The following ADGRE3 variants were observed in gnomAD, a reference collection of about 807,000 sequenced individuals.
ADGRE3 encodes adhesion G protein-coupled receptor E3, also known as EGF-like module receptor 3.
In ADGRE3, 88 loss-of-function variants were observed where a neutral mutation model predicts 80.1. The ratio of observed to expected loss-of-function variants is 1.10; its 90% CI spans 0.93 to 1.31. ADGRE3 has a LOEUF of 1.31. Among genes scored for constraint, ADGRE3 ranks in the 40% most tolerant of loss-of-function variants. The pLI is 0.00. For synonymous variants in ADGRE3, 281 were observed against 294.8 expected, an observed-to-expected ratio of 0.95 and a Z score of 0.48; for missense variants, 715 against 776.5, an observed-to-expected ratio of 0.92 and a Z score of 0.94.
chr19:14,620,548 T>TATATATATAATATATA lies in ADGRE3; in HGVS notation c.1921-1078_1921-1077insTATATATTATATATAT. 1.2e-4 allele frequency among the ~76,000 whole-genome samples: 3 copies of TATATATATAATATATA among 24,976 alleles called. 1 individual carries two copies. The South Asian group carries it at 5.0e-3, about 41-fold the overall frequency. The allele number at this position is 24,976 out of a possible 152,430, so 16.4% of individuals were successfully genotyped here. On this transcript the variant is annotated intron_variant, in intron 15 of 15. Transcript: ENST00000253673. ...TGAATATATATATTTTATATATATA[T>TATATATATAATATATA]TATATATATATATATATATATTTTT...
At chr19:14,611,371 CTTTTTT>C in the ADGRE3 span, among the ~76,000 whole-genome samples, 3 of 75,972 alleles carry the variant, frequency 3.9e-5, no homozygotes, top group African/African-American at 4.9e-5. Context: ...AACTTCTATC[CTTTTTT>C]TTTTTTTTTT....
At chr19:14,657,584 A>G (rs1037552021) in intron 5 of ADGRE3, among the ~76,000 whole-genome samples, 2 of 151,998 alleles carry the variant, frequency 1.3e-5, no homozygotes, top group African/African-American at 2.4e-5. Context: ...ATACAGATAC[A>G]GAGCCCTCTT....
At chr19:14,668,181 G>A (rs977601694) in intron 2 of ADGRE3, among the ~76,000 whole-genome samples, 1 of 152,068 alleles carries the variant, frequency 6.6e-6, no homozygotes, top group African/African-American at 2.4e-5. Context: ...AACCCAGGAC[G>A]TGGAGGTTGC....
chr19:14,629,375 C>G (rs149649780), intron 14 of ADGRE3, among the ~76,000 whole-genome samples: 1 of 151,830 alleles, frequency 6.6e-6, no homozygotes, highest in East Asian at 1.9e-4. Flanking sequence ...ACGATTCACT[C>G]CTTTGTAGTT....
downstream of ADGRE3, among the ~76,000 whole-genome samples, chr19:14,614,658 C>A (rs1484430721): frequency 6.6e-6 from 1 of 150,790 alleles, no homozygotes; most frequent in Admixed American, 6.6e-5. Context: ...CTCACTGCAA[C>A]CTTTGCCTCC....
intron 5 of ADGRE3, among the ~76,000 whole-genome samples, chr19:14,657,766 T>C (rs910466270): frequency 2.0e-5 from 3 of 150,782 alleles, no homozygotes; most frequent in Non-Finnish European, 3.0e-5. Flanking sequence ...TGTTTGTTTG[T>C]TTTGTTTTGT....
chr19:14,605,418 C>G, the ADGRE3 span, among the ~76,000 whole-genome samples: 2 of 152,066 alleles, frequency 1.3e-5, no homozygotes, highest in African/African-American at 4.8e-5. Context: ...TTTAAGGAAT[C>G]TTGGTTTGGT....
intron 1 of ADGRE3, among the ~76,000 whole-genome samples, chr19:14,672,048 T>TTGTATATACA (rs1972272600): frequency 6.6e-6 from 1 of 152,134 alleles, no homozygotes; most frequent in African/African-American, 2.4e-5. Flanking sequence ...CTTTCTTCTT[T>TTGTATATACA]TGTATATACA....
At chr19:14,617,343 T>TTTCTTTCTTTCC (rs2075083960), downstream of ADGRE3, among the ~76,000 whole-genome samples, 1 of 71,564 alleles carries the variant, frequency 1.4e-5, no homozygotes, top group African/African-American at 5.8e-5. Flanking sequence ...CCTCCCTCCC[T>TTTCTTTCTTTCC]TTCTTTCTTT....
chr19:14,665,939 T>TATATATGCATAC (rs1345219145), intron 2 of ADGRE3, among the ~76,000 whole-genome samples: 1,675 of 86,738 alleles, frequency 0.019, 328 homozygotes, highest in South Asian at 0.049. Context: ...CATATGTGTA[T>TATATATGCATAC]ATATATATAT....
At position 14,633,176 on chromosome 19, in the gene ADGRE3, T is replaced by G; in HGVS notation, c.1551+60A>C. The G allele has an allele frequency of 3.4e-6, 5 of 1,490,254 alleles. No individual in the cohort carries two copies. In the South Asian group the frequency reaches 3.5e-5, roughly 10 times the overall value. The allele number at this position is 1,490,254 out of a possible 1,614,324, so 92.3% of individuals were successfully genotyped here. A position where few individuals can be genotyped will look rare whatever the true frequency, so the allele number is the denominator to read the frequency against. ...GGAAATGCAAGCCCCTTGTACCATC[T>G]TGTACCCAGCACTTCTCTTGGTTCT... On this transcript the variant is annotated intron_variant, in intron 12 of 15. Coordinates refer to ENST00000253673, the MANE Select transcript of ADGRE3 (RefSeq NM_032571.5).
chr19:14,662,667 C>T (rs368964132), intron 3 of ADGRE3, among the ~76,000 whole-genome samples: 16 of 152,040 alleles, frequency 1.1e-4, no homozygotes, highest in African/African-American at 1.4e-4. Context: ...ATTACAGGCG[C>T]GAGCCACCAT....
chr19:14,622,045 G>GC (rs1970617725), intron 15 of ADGRE3: 1 of 1,045,486 alleles, frequency 9.6e-7, no homozygotes. Flanking sequence ...ATTCCTGTGT[G>GC]CATGTGTCTT....
the ADGRE3 span, chr19:14,610,393 G>C: frequency 1.5e-6 from 1 of 666,366 alleles, no homozygotes. Flanking sequence ...GCTTGCCCTA[G>C]TAGATGGTGA....
At chr19:14,612,929 ATT>A in the ADGRE3 span, among the ~76,000 whole-genome samples, 1 of 120,826 alleles carries the variant, frequency 8.3e-6, no homozygotes, top group Admixed American at 8.5e-5. Context: ...CAATCAATTT[ATT>A]TTTTTTTTTT....
chr19:14,636,081 C>CTTTCTTTCTCTTT (rs1555755785), intron 11 of ADGRE3, among the ~76,000 whole-genome samples: 1 of 24,602 alleles, frequency 4.1e-5, no homozygotes, highest in Non-Finnish European at 8.2e-5. Context: ...CTTTCCTTTC[C>CTTTCTTTCTCTTT]CTTTCTTTCT....
At chr19:14,620,387 T>C (rs1970505867) in intron 15 of ADGRE3, among the ~76,000 whole-genome samples, 1 of 147,476 alleles carries the variant, frequency 6.8e-6, no homozygotes, top group Non-Finnish European at 1.5e-5. Flanking sequence ...GATTCATATA[T>C]ACATGTATAT....
chr19:14,651,356 G>T, intron 6 of ADGRE3, 152 bp from the exon 7 acceptor site: 1 of 762,032 alleles, frequency 1.3e-6, no homozygotes, highest in Non-Finnish European at 2.1e-6. Context: ...TTGAGCCCAG[G>T]CAACACAGTG....
the ADGRE3 span, chr19:14,610,000 T>C: frequency 8.2e-7 from 1 of 1,213,164 alleles, no homozygotes; most frequent in Non-Finnish European, 1.2e-6. Flanking sequence ...ATTACAGTAT[T>C]ATACAGAAGA....
Sources: allele counts gnomAD v4.1 joint callset (sites outside exome capture counted in the v4.1 genomes callset), GRCh38; gene constraint gnomAD v4.1.1; transcripts MANE v1.5; gene names NCBI Gene and HGNC (gene_info 2026-07-23, HGNC 2026-07-21).